The following ARL6IP6 variants were observed in gnomAD, a reference collection of about 807,000 sequenced individuals.
The protein encoded by ARL6IP6 is ARF like GTPase 6 interacting protein 6.
A neutral mutation model predicts 21.5 loss-of-function variants in ARL6IP6; 22 were observed. That is an observed-to-expected ratio of 1.02 (90% CI 0.73 to 1.46). The LOEUF is 1.46. Ranked by LOEUF, ARL6IP6 falls within the 40% of genes most tolerant of loss-of-function variation. The probability of loss-of-function intolerance (pLI) is 0.00; values close to 1 mark genes in which losing one functional copy is unlikely to be tolerated. For missense variants in ARL6IP6, 388 were observed against 299.8 expected, an observed-to-expected ratio of 1.29 and a Z score of -2.17; for synonymous variants, 164 against 125.3, an observed-to-expected ratio of 1.31 and a Z score of -2.06.
Position 152,718,849 on chromosome 2 carries a change from G to A in ARL6IP6, c.225G>A (p.Pro75=), listed in dbSNP as rs1286697954. 2.5e-6 allele frequency: 4 copies of A among 1,612,468 alleles called. No homozygotes were observed. In the Admixed American group the frequency reaches 5.0e-5, roughly 20 times the overall value. ...CCAGAAAGCGCTCGGTGCTCCCGCCGGACGGGAACGGGTCGCCCGTTCTGC... is the reference window on the plus strand; with the variant it reads ...CCAGAAAGCGCTCGGTGCTCCCGCCAGACGGGAACGGGTCGCCCGTTCTGC... The part of the protein sequence containing the change: ...SEPRKRSVLP[P]DGNGSPVLPD... The change falls in exon 1 of 4, where the codon CCG becomes CCA. Residue 75 remains proline (P), a synonymous_variant. Transcript: ENST00000326446.
In ARL6IP6 at chr2:152,720,604, G is replaced by T; in HGVS notation, c.454+18G>T. ...ACTATTAGGTATGGACTTAATTGCC[G>T]CTTGCTTTGGTTTTGAGCTCACGTT... is the stretch of plus-strand genomic sequence containing the variant. On this transcript the variant is annotated intron_variant, in intron 2 of 3. Coordinates refer to ENST00000326446, the MANE Select transcript of ARL6IP6 (RefSeq NM_152522.7). 6.2e-7 allele frequency: 1 copy of T among 1,607,262 alleles called. No homozygotes were observed. The highest frequency in any genetic ancestry group is 8.5e-7 in the Non-Finnish European group (1 of 1,175,462).
chr2:152,721,524 C>G (rs1045551102), intron 2 of ARL6IP6, among the ~76,000 whole-genome samples: 1 of 152,192 alleles, frequency 6.6e-6, no homozygotes, highest in Admixed American at 6.5e-5. Context: ...CTTTACCTGT[C>G]CAGCATATTT....
intron 3 of ARL6IP6, among the ~76,000 whole-genome samples, chr2:152,735,901 A>T (rs985255850): frequency 2.0e-5 from 3 of 152,114 alleles, no homozygotes; most frequent in Non-Finnish European, 4.4e-5. Context: ...TACTTGAGAG[A>T]CTTTATAAAA....
At position 152,735,045 on chromosome 2, in the gene ARL6IP6, G is replaced by A; in HGVS notation, c.506G>A (p.Ser169Asn). The A allele has an allele frequency of 6.2e-7, 1 of 1,613,352 alleles. No individual in the cohort carries two copies. The highest frequency in any genetic ancestry group is 2.2e-5 in the East Asian group (1 of 44,824). ...CTAACTGCTGGATTCTCCTGTTGCA[G>A]CTTTTCTTGGACAGTGACTTACTTT... is the stretch of plus-strand genomic sequence containing the variant. ...ISLTAGFSCC[S>N]FSWTVTYFDS... The change falls in exon 3 of 4, where the codon AGC becomes AAC. Residue 169 changes from serine to asparagine, a missense_variant. Physicochemically the swap from Ser to Asn is conservative, Grantham distance 46. Coordinates refer to ENST00000326446, the MANE Select transcript of ARL6IP6 (RefSeq NM_152522.7).
In ARL6IP6 at chr2:152,734,897, A is replaced by G. The variant is rs536067943; in HGVS notation, c.455-97A>G. ...ATATCAGATCCATATAATTTAGAAG[A>G]TGAGAAATATACATGATCTGAACAT... On this transcript the variant is annotated intron_variant, in intron 2 of 3. Coordinates refer to ENST00000326446, the MANE Select transcript of ARL6IP6 (RefSeq NM_152522.7). The G allele has an allele frequency of 7.3e-6, 9 of 1,225,008 alleles. No individual in the cohort carries two copies. The East Asian group carries it at 1.9e-4, about 26-fold the overall frequency. 75.9% of individuals were successfully genotyped at this position (1,225,008 alleles called of 1,614,324 possible).
chr2:152,736,251 A>C (rs1487352341), intron 3 of ARL6IP6, among the ~76,000 whole-genome samples: 1 of 152,204 alleles, frequency 6.6e-6, no homozygotes, highest in African/African-American at 2.4e-5. Flanking sequence ...TTACTTTAAT[A>C]ACAGGTATAA....
intron 2 of ARL6IP6, among the ~76,000 whole-genome samples, chr2:152,721,860 CTT>C (rs1699808465): frequency 1.3e-5 from 2 of 152,182 alleles, no homozygotes; most frequent in South Asian, 2.1e-4. Context: ...TGCATGGAAA[CTT>C]TTGTCTGTTC....
intron 3 of ARL6IP6, among the ~76,000 whole-genome samples, chr2:152,759,530 T>G (rs1031957921): frequency 6.6e-6 from 1 of 152,184 alleles, no homozygotes; most frequent in Non-Finnish European, 1.5e-5. Context: ...TTGAAACAAC[T>G]GTAATTGTTA....
chr2:152,740,517 G>T (rs1277665516), intron 3 of ARL6IP6, among the ~76,000 whole-genome samples: 1 of 150,608 alleles, frequency 6.6e-6, no homozygotes. Context: ...ATGCACAAAT[G>T]AATACAAAAT....
At chr2:152,732,484 T>C (rs1193686612) in intron 2 of ARL6IP6, 1 of 407,524 alleles carries the variant, frequency 2.5e-6, no homozygotes, top group Non-Finnish European at 4.9e-6. Context: ...CATTTAACTT[T>C]ATATTTGGAT....
intron 3 of ARL6IP6, among the ~76,000 whole-genome samples, chr2:152,740,036 C>A (rs1020648180): frequency 2.0e-5 from 3 of 152,158 alleles, no homozygotes; most frequent in Admixed American, 1.3e-4. Context: ...ATGAGAACTG[C>A]AATTCAGGAT....
rs780503309 is a variant in ARL6IP6, at chr2:152,718,713, C to G, written c.89C>G (p.Ser30Cys). Residue 30 changes from serine (S) to cysteine (C), a missense_variant, in exon 1 of 4, where the codon TCC (serine) becomes TGC (cysteine). Coordinates refer to ENST00000326446, the MANE Select transcript of ARL6IP6 (RefSeq NM_152522.7). ...PGPVARPSYSSFTQGDSWGEG... is the reference protein window; with the variant it reads ...PGPVARPSYSCFTQGDSWGEG... ...CCTGTGGCTCGGCCATCGTATTCCT[C>G]CTTTACTCAGGGGGACAGCTGGGGT... 1.9e-5 allele frequency: 30 copies of G among 1,608,824 alleles called. No homozygotes were observed. The highest frequency in any genetic ancestry group is 2.3e-5 in the Non-Finnish European group (27 of 1,177,664).
intron 3 of ARL6IP6, among the ~76,000 whole-genome samples, chr2:152,742,216 C>G (rs1700843786): frequency 6.6e-6 from 1 of 152,224 alleles, no homozygotes; most frequent in African/African-American, 2.4e-5. Flanking sequence ...GTTAATGCAT[C>G]TAACTATGTT....
At chr2:152,758,134 T>C (rs903022001) in intron 3 of ARL6IP6, among the ~76,000 whole-genome samples, 10 of 152,186 alleles carry the variant, frequency 6.6e-5, no homozygotes, top group African/African-American at 2.2e-4. Flanking sequence ...CAAAAATGGC[T>C]TAGTATTTGC....
At chr2:152,752,557 C>T (rs1019267033) in intron 3 of ARL6IP6, among the ~76,000 whole-genome samples, 1 of 152,184 alleles carries the variant, frequency 6.6e-6, no homozygotes, top group Non-Finnish European at 1.5e-5. Flanking sequence ...GAAAGTGCTC[C>T]GCAGGGTGGA....
At chr2:152,759,242 A>C (rs568507338) in intron 3 of ARL6IP6, among the ~76,000 whole-genome samples, 2 of 152,328 alleles carry the variant, frequency 1.3e-5, no homozygotes, top group East Asian at 3.9e-4. Flanking sequence ...TAAGTAACCT[A>C]TTAGAATGAT....
chr2:152,753,386 CAT>C (rs1040458911), intron 3 of ARL6IP6, among the ~76,000 whole-genome samples: 3 of 152,124 alleles, frequency 2.0e-5, no homozygotes, highest in African/African-American at 7.2e-5. Context: ...CGCTCAGAAA[CAT>C]AGATCTGTTT....
chr2:152,719,734 C>G (rs1474561729), intron 1 of ARL6IP6, among the ~76,000 whole-genome samples: 1 of 136,780 alleles, frequency 7.3e-6, no homozygotes, highest in Non-Finnish European at 1.5e-5. Context: ...TAGTTTGTGA[C>G]CTTTGCCAAG....
intron 2 of ARL6IP6, among the ~76,000 whole-genome samples, chr2:152,724,844 G>A (rs1464597472): frequency 2.0e-5 from 3 of 152,134 alleles, no homozygotes; most frequent in Non-Finnish European, 4.4e-5. Context: ...CTGCTAGTTA[G>A]GGGGCTATAT....
Sources: allele counts gnomAD v4.1 joint callset (sites outside exome capture counted in the v4.1 genomes callset), GRCh38; gene constraint gnomAD v4.1.1; transcripts MANE v1.5; gene names NCBI Gene and HGNC (gene_info 2026-07-23, HGNC 2026-07-21).